The following VTI1A variants were observed in gnomAD, a reference collection of about 807,000 sequenced individuals.
VTI1A encodes vesicle transport through interaction with t-SNAREs homolog 1A.
Under a neutral mutation model 34.9 loss-of-function variants are expected in VTI1A, and 22 were observed. The observed-to-expected ratio is 0.63, with a 90% CI of 0.45 to 0.90. The LOEUF (loss-of-function observed/expected upper bound fraction) is 0.90. Ranked by LOEUF, VTI1A falls within the 40% of genes least tolerant of loss-of-function variation. VTI1A has a pLI of 0.00. For synonymous variants in VTI1A, 87 were observed against 97.3 expected (o/e 0.89, Z 0.62); for missense variants, 268 against 275.6 (o/e 0.97, Z 0.20).
At chr10:112,642,645 A>T (rs2133781198) in intron 5 of VTI1A, among the ~76,000 whole-genome samples, 1 of 152,064 alleles carries the variant, frequency 6.6e-6, no homozygotes, top group African/African-American at 2.4e-5. Context: ...ATGCTAAATG[A>T]TTACCATTTG....
intron 7 of VTI1A, among the ~76,000 whole-genome samples, chr10:112,779,252 A>T (rs1288501339): frequency 6.6e-6 from 1 of 152,226 alleles, no homozygotes; most frequent in Non-Finnish European, 1.5e-5. Context: ...TGGAATAAAC[A>T]TGGGGATAAG....
rs1048758696 is a variant in VTI1A, at chr10:112,815,919, G to A, written c.*536G>A. On this transcript the variant is annotated 3_prime_UTR_variant, in exon 8 of 8. Coordinates refer to ENST00000393077, the MANE Select transcript of VTI1A (RefSeq NM_145206.4). ...CCTGCCTGAGTGCTTTCATTGTAAA[G>A]GTCGGTATTTAATGTCGGTTGTACA... 4.3e-6 allele frequency: 1 copy of A among 231,460 alleles called. No individual in the cohort carries two copies. Among genetic ancestry groups the A allele is most frequent in the African/African-American group, 2.2e-5 (1 of 45,196 alleles). The allele number at this position is 231,460 out of a possible 1,614,324, so 14.3% of individuals were successfully genotyped here.
chr10:112,790,797 A>G (rs183400774), intron 7 of VTI1A, among the ~76,000 whole-genome samples: 2 of 138,420 alleles, frequency 1.4e-5, no homozygotes, highest in Non-Finnish European at 1.5e-5. Flanking sequence ...CTCCAGTTTT[A>G]TACTTGTTTT....
intron 3 of VTI1A, among the ~76,000 whole-genome samples, chr10:112,519,796 C>T (rs903688956): frequency 2.0e-4 from 30 of 151,966 alleles, no homozygotes; most frequent in African/African-American, 6.5e-4. Context: ...AAACCTCATG[C>T]GATAACTTAG....
intron 7 of VTI1A, among the ~76,000 whole-genome samples, chr10:112,782,507 G>A (rs928934864): frequency 2.6e-5 from 4 of 152,182 alleles, no homozygotes; most frequent in South Asian, 4.1e-4. Flanking sequence ...TTCCCGTCGC[G>A]GCATATTAGT....
intron 4 of VTI1A, among the ~76,000 whole-genome samples, chr10:112,537,585 A>G (rs1242322032): frequency 6.6e-6 from 1 of 152,056 alleles, no homozygotes; most frequent in Non-Finnish European, 1.5e-5. Flanking sequence ...GTGTGTTAAA[A>G]TATCAACATC....
intron 5 of VTI1A, among the ~76,000 whole-genome samples, chr10:112,581,616 T>C: frequency 6.6e-6 from 1 of 152,206 alleles, no homozygotes; most frequent in East Asian, 1.9e-4. Flanking sequence ...ATGATGATGA[T>C]GATTGATTAT....
At chr10:112,487,983 T>G (rs1283671073) in intron 3 of VTI1A, among the ~76,000 whole-genome samples, 1 of 151,500 alleles carries the variant, frequency 6.6e-6, no homozygotes, top group Non-Finnish European at 1.5e-5. Context: ...ACAGTGATAA[T>G]TATGCAAAGA....
At chr10:112,696,922 C>T (rs148218863) in intron 7 of VTI1A, among the ~76,000 whole-genome samples, 100 of 152,306 alleles carry the variant, frequency 6.6e-4, no homozygotes, top group Admixed American at 2.4e-3. Flanking sequence ...GCAGAAAACA[C>T]TAGCTTTAAT....
chr10:112,846,175 TG>T, the VTI1A span, among the ~76,000 whole-genome samples: 1 of 152,188 alleles, frequency 6.6e-6, no homozygotes, highest in Non-Finnish European at 1.5e-5. Flanking sequence ...CCATTTATTT[TG>T]GGGGTCTTTC....
intron 3 of VTI1A, among the ~76,000 whole-genome samples, chr10:112,471,535 G>T (rs1236244334): frequency 6.6e-6 from 1 of 151,544 alleles, no homozygotes; most frequent in African/African-American, 2.4e-5. Context: ...ATGACTTAAA[G>T]TCACACTGCT....
intron 5 of VTI1A, among the ~76,000 whole-genome samples, chr10:112,576,694 A>G (rs566825927): frequency 1.7e-3 from 254 of 152,350 alleles, no homozygotes; most frequent in African/African-American, 5.9e-3. Context: ...AAGATTAAAA[A>G]TAAGATGTTT....
chr10:112,571,450 C>T (rs1852116099), intron 5 of VTI1A, among the ~76,000 whole-genome samples: 2 of 152,146 alleles, frequency 1.3e-5, no homozygotes, highest in South Asian at 4.1e-4. Flanking sequence ...CCATCTCATG[C>T]CAGTCAGGAT....
At chr10:112,585,764 C>T (rs1844127574) in intron 5 of VTI1A, among the ~76,000 whole-genome samples, 1 of 147,554 alleles carries the variant, frequency 6.8e-6, no homozygotes, top group Non-Finnish European at 1.5e-5. Context: ...ACATAGAGTA[C>T]ATAAACAGTA....
intron 5 of VTI1A, among the ~76,000 whole-genome samples, chr10:112,607,716 G>A (rs1174879766): frequency 6.6e-6 from 1 of 152,124 alleles, no homozygotes; most frequent in African/African-American, 2.4e-5. Flanking sequence ...GGACTCATGA[G>A]GTTATAATTA....
intron 7 of VTI1A, among the ~76,000 whole-genome samples, chr10:112,708,048 G>T (rs1335872054): frequency 6.6e-6 from 1 of 152,198 alleles, no homozygotes; most frequent in Non-Finnish European, 1.5e-5. Flanking sequence ...TACCGCCAAA[G>T]AAAGCAGGTT....
intron 7 of VTI1A, among the ~76,000 whole-genome samples, chr10:112,695,326 A>G (rs1848743883): frequency 6.6e-6 from 1 of 152,204 alleles, no homozygotes; most frequent in South Asian, 2.1e-4. Flanking sequence ...GGAAAAGGGC[A>G]TATGTATTTA....
At chr10:112,486,364 C>G (rs780782493) in intron 3 of VTI1A, among the ~76,000 whole-genome samples, 1 of 152,100 alleles carries the variant, frequency 6.6e-6, no homozygotes, top group African/African-American at 2.4e-5. Flanking sequence ...ACTTGTTTCA[C>G]CTACCTCACA....
At chr10:112,701,065 A>C (rs1229532532) in intron 7 of VTI1A, among the ~76,000 whole-genome samples, 1 of 152,080 alleles carries the variant, frequency 6.6e-6, no homozygotes, top group Non-Finnish European at 1.5e-5. Context: ...CTGGACCCTA[A>C]AGGGTCATTT....
Sources: gnomAD v4.1 joint callset for allele counts (sites outside exome capture counted in the v4.1 genomes callset) on GRCh38, gnomAD v4.1.1 for gene constraint, MANE v1.5 for transcripts, NCBI Gene and HGNC (gene_info 2026-07-23, HGNC 2026-07-21) for gene names.